The following NOX3 variants were observed in gnomAD, a reference collection of about 807,000 sequenced individuals.
NOX3 encodes NADPH oxidase 3, also known as NADPH oxidase catalytic subunit-like 3.
NOX3 carries 74 observed loss-of-function variants against 76.7 expected under a neutral mutation model. That is an observed-to-expected ratio of 0.96 (90% CI 0.80 to 1.17). NOX3 has a LOEUF of 1.17. Among genes scored for constraint, NOX3 ranks in the 50% most tolerant of loss-of-function variants. NOX3 has a pLI of 0.00. For synonymous variants in NOX3, 263 were observed against 261.1 expected (o/e 1.01, Z -0.07); for missense variants, 695 against 703.3 (o/e 0.99, Z 0.13).
At position 155,454,149 on chromosome 6, in the gene NOX3, C is replaced by T. The variant is rs1055362726; in HGVS notation, c.256-661G>A. ...GAGCACATGGTATTGGAAAAAATGGCGCTAGTATACTTGCTCCACACAGGG... is the reference window on the plus strand; with the variant it reads ...GAGCACATGGTATTGGAAAAAATGGTGCTAGTATACTTGCTCCACACAGGG... On this transcript the variant is annotated intron_variant, in intron 3 of 13. Coordinates refer to ENST00000159060, the MANE Select transcript of NOX3 (RefSeq NM_015718.3). Among the ~76,000 whole-genome samples the T allele has an allele frequency of 5.9e-5, 9 of 152,112 alleles. No individual in the cohort carries two copies. In the South Asian group the frequency reaches 8.3e-4, roughly 14 times the overall value.
intron 5 of NOX3, among the ~76,000 whole-genome samples, chr6:155,443,055 A>T (rs181801175): frequency 6.6e-6 from 1 of 152,302 alleles, no homozygotes; most frequent in African/African-American, 2.4e-5. Flanking sequence ...ATATAAATTA[A>T]TTAGGTGACA....
At chr6:155,441,974 G>T (rs1372839368) in intron 5 of NOX3, among the ~76,000 whole-genome samples, 1 of 152,134 alleles carries the variant, frequency 6.6e-6, no homozygotes, top group African/African-American at 2.4e-5. Flanking sequence ...GCTAAGAAAA[G>T]GTAGCTCAAG....
intron 10 of NOX3, among the ~76,000 whole-genome samples, chr6:155,413,910 C>T (rs766461803): frequency 6.6e-6 from 1 of 152,218 alleles, no homozygotes; most frequent in African/African-American, 2.4e-5. Context: ...AATCTAGTCC[C>T]AGTCGTCCTT....
intron 10 of NOX3, among the ~76,000 whole-genome samples, chr6:155,419,505 A>T (rs1177252350): frequency 6.6e-6 from 1 of 152,208 alleles, no homozygotes; most frequent in African/African-American, 2.4e-5. Context: ...TCCACACTTT[A>T]GCTTCCTTTC....
At chr6:155,418,027 T>C (rs1186336082) in intron 10 of NOX3, among the ~76,000 whole-genome samples, 1 of 152,230 alleles carries the variant, frequency 6.6e-6, no homozygotes, top group African/African-American at 2.4e-5. Context: ...GTCTGAAGAC[T>C]ACATATGCAG....
At chr6:155,453,279 G>T in intron 4 of NOX3, 125 bp downstream of exon 4, 1 of 750,682 alleles carries the variant, frequency 1.3e-6, no homozygotes, top group Non-Finnish European at 2.4e-6. Context: ...GGTTTACAGG[G>T]TCAGATAAAG....
intron 8 of NOX3, among the ~76,000 whole-genome samples, chr6:155,429,580 A>G (rs1277886190): frequency 6.6e-6 from 1 of 152,164 alleles, no homozygotes; most frequent in Non-Finnish European, 1.5e-5. Context: ...TTTTTGGTTG[A>G]GTCTCATCCT....
intron 10 of NOX3, among the ~76,000 whole-genome samples, chr6:155,415,939 A>G (rs1776616872): frequency 6.6e-6 from 1 of 152,232 alleles, no homozygotes. Context: ...CTTGCTTGGC[A>G]TGTGTTCCCA....
In NOX3 at chr6:155,453,681, C is replaced by G. The variant is rs767500846; in HGVS notation, c.256-193G>C. Among the ~76,000 whole-genome samples the G allele has an allele frequency of 1.6e-4, 25 of 152,116 alleles. 1 individual carries two copies. Among genetic ancestry groups the G allele is most frequent in the Admixed American group, 2.0e-4 (3 of 15,274 alleles). On this transcript the variant is annotated intron_variant, in intron 3 of 13. Coordinates refer to ENST00000159060, the MANE Select transcript of NOX3 (RefSeq NM_015718.3). ...TAGTTGCTTTGCTGAACTCTCAACT[C>G]AAAAATGATTGACTTATTAGTTCTC...
chr6:155,401,154 A>C (rs539083989), intron 12 of NOX3, among the ~76,000 whole-genome samples: 160 of 152,308 alleles, frequency 1.1e-3, no homozygotes, highest in African/African-American at 3.6e-3. Context: ...TTGCAGTATA[A>C]TGATAAATCC....
intron 12 of NOX3, among the ~76,000 whole-genome samples, chr6:155,401,152 T>C (rs1384253742): frequency 1.3e-5 from 2 of 152,182 alleles, no homozygotes; most frequent in East Asian, 3.9e-4. Context: ...TTTTGCAGTA[T>C]AATGATAAAT....
At chr6:155,432,683 C>T (rs60360826) in intron 7 of NOX3, among the ~76,000 whole-genome samples, 19,400 of 152,150 alleles carry the variant, frequency 0.13, 1,334 homozygotes, top group African/African-American at 0.17. Flanking sequence ...GGCTCTTGGC[C>T]TCATAAAAGC....
chr6:155,435,772 T>C (rs917993183), intron 7 of NOX3, among the ~76,000 whole-genome samples: 1 of 152,238 alleles, frequency 6.6e-6, no homozygotes, highest in African/African-American at 2.4e-5. Flanking sequence ...ATATTACTTC[T>C]CTTTCCCTAT....
chr6:155,413,441 A>G (rs1421027639), intron 10 of NOX3, among the ~76,000 whole-genome samples: 1 of 151,662 alleles, frequency 6.6e-6, no homozygotes, highest in Non-Finnish European at 1.5e-5. Flanking sequence ...GTTGGCGAGC[A>G]GGGAGTTCCA....
At chr6:155,415,374 C>G (rs935284613) in intron 10 of NOX3, among the ~76,000 whole-genome samples, 1 of 152,110 alleles carries the variant, frequency 6.6e-6, no homozygotes, top group African/African-American at 2.4e-5. Flanking sequence ...AAACTTGTGC[C>G]GTATCTTGAA....
At chr6:155,447,838 G>A (rs908907548) in intron 4 of NOX3, among the ~76,000 whole-genome samples, 2 of 152,202 alleles carry the variant, frequency 1.3e-5, no homozygotes, top group African/African-American at 2.4e-5. Context: ...TATACCAACC[G>A]CTAAATTCAG....
chr6:155,397,895 T>C (rs1308404559), intron 12 of NOX3, among the ~76,000 whole-genome samples: 1 of 152,216 alleles, frequency 6.6e-6, no homozygotes, highest in African/African-American at 2.4e-5. Context: ...ATCTCTAATC[T>C]TGACATTTCA....
intron 7 of NOX3, 49 bp from the exon 8 acceptor site, chr6:155,430,984 C>T: frequency 8.5e-7 from 1 of 1,173,874 alleles, no homozygotes; most frequent in South Asian, 1.3e-5. Flanking sequence ...AAAATAGAAT[C>T]CAAATATTTT....
At chr6:155,439,062 C>A (rs1562469400) in intron 6 of NOX3, among the ~76,000 whole-genome samples, 1 of 152,138 alleles carries the variant, frequency 6.6e-6, no homozygotes, top group Non-Finnish European at 1.5e-5. Context: ...ATCATGGGAC[C>A]TTGAGGGCAT....
Sources: allele counts gnomAD v4.1 joint callset (sites outside exome capture counted in the v4.1 genomes callset), GRCh38; gene constraint gnomAD v4.1.1; transcripts MANE v1.5; gene names NCBI Gene and HGNC (gene_info 2026-07-23, HGNC 2026-07-21).